The following TMEM132C variants were observed in gnomAD, a reference collection of about 807,000 sequenced individuals.
TMEM132C encodes transmembrane protein 132C.
A neutral mutation model predicts 61.4 loss-of-function variants in TMEM132C; 29 were observed. The observed-to-expected ratio is 0.47, with a 90% CI of 0.35 to 0.64. The LOEUF (loss-of-function observed/expected upper bound fraction) is 0.64. TMEM132C is among the 30% of genes least tolerant of loss of function. The pLI is 0.00. For missense variants in TMEM132C, 1,408 were observed against 1,476.9 expected (o/e 0.95, Z 0.76); for synonymous variants, 656 against 633.1 (o/e 1.04, Z -0.54).
rs55729184 is a variant in TMEM132C at position 128,347,397 on chromosome 12, GTCTCTCTCTCTCTC to G, written c.86-67306_86-67293del. 3.6e-3 allele frequency among the ~76,000 whole-genome samples: 488 copies of G among 135,522 alleles called. 4 individuals carry two copies. The highest frequency in any genetic ancestry group is 0.012 in the African/African-American group (401 of 32,904). The allele number at this position is 135,522 out of a possible 152,430, so 88.9% of individuals were successfully genotyped here. A position where few individuals can be genotyped will look rare whatever the true frequency, so the allele number is the denominator to read the frequency against. On this transcript the variant is annotated intron_variant, in intron 1 of 8. Coordinates refer to ENST00000435159, the MANE Select transcript of TMEM132C (RefSeq NM_001136103.3). ...TGCTGCCATAAGCATGCATATGTAT[GTCTCTCTCTCTCTC>G]TCTCTCTCTCTCTCTCTCTCTCTCT...
At chr12:128,534,679 TG>T (rs1436025163) in intron 2 of TMEM132C, among the ~76,000 whole-genome samples, 5 of 152,254 alleles carry the variant, frequency 3.3e-5, no homozygotes, top group African/African-American at 1.2e-4. Context: ...ATGCTGACTC[TG>T]GTTGCAAAAC....
intron 1 of TMEM132C, among the ~76,000 whole-genome samples, chr12:128,311,757 T>C (rs1871975061): frequency 6.6e-6 from 1 of 152,172 alleles, no homozygotes; most frequent in Non-Finnish European, 1.5e-5. Flanking sequence ...CGCTGCCTGC[T>C]CAAACCTTTT....
chr12:128,529,755 C>T (rs190470230), intron 2 of TMEM132C, among the ~76,000 whole-genome samples: 1 of 152,084 alleles, frequency 6.6e-6, no homozygotes, highest in South Asian at 2.1e-4. Context: ...CACTGCACTC[C>T]AGCCTGGGTG....
At chr12:128,425,251 C>T (rs1236459990) in intron 2 of TMEM132C, among the ~76,000 whole-genome samples, 1 of 152,370 alleles carries the variant, frequency 6.6e-6, no homozygotes, top group Non-Finnish European at 1.5e-5. Context: ...ACCTGCACAC[C>T]GCGGCCAGCC....
intron 2 of TMEM132C, among the ~76,000 whole-genome samples, chr12:128,445,179 A>C (rs1255075748): frequency 1.5e-5 from 2 of 132,238 alleles, no homozygotes; most frequent in Admixed American, 1.7e-4. Flanking sequence ...TTTGCATAGA[A>C]AAAGTTAAAA....
intron 4 of TMEM132C, among the ~76,000 whole-genome samples, chr12:128,662,470 A>G (rs1482329389): frequency 1.3e-5 from 2 of 152,254 alleles, no homozygotes; most frequent in African/African-American, 4.8e-5. Context: ...GGGCAGAGCC[A>G]GGATTTAAGG....
At chr12:128,503,907 TG>T (rs1282283968) in intron 2 of TMEM132C, among the ~76,000 whole-genome samples, 1 of 152,226 alleles carries the variant, frequency 6.6e-6, no homozygotes, top group African/African-American at 2.4e-5. Flanking sequence ...TCATGGTTTA[TG>T]GGGATCAAGA....
At chr12:128,688,570 C>T (rs1284656814) in intron 5 of TMEM132C, among the ~76,000 whole-genome samples, 1 of 152,064 alleles carries the variant, frequency 6.6e-6, no homozygotes, top group Non-Finnish European at 1.5e-5. Context: ...GCTAAAAGTT[C>T]CAGCAAAAGA....
At chr12:128,666,007 A>G (rs1162385561) in intron 4 of TMEM132C, among the ~76,000 whole-genome samples, 1 of 140,056 alleles carries the variant, frequency 7.1e-6, no homozygotes, top group African/African-American at 2.9e-5. Context: ...ACACACAGGC[A>G]CACACACATT....
chr12:128,291,872 T>G (rs1193403), intron 1 of TMEM132C, among the ~76,000 whole-genome samples: 36,187 of 152,132 alleles, frequency 0.24, 4,980 homozygotes, highest in East Asian at 0.55. Flanking sequence ...TTCTTGCTTT[T>G]CTTCCTGGAC....
chr12:128,342,624 GC>G (rs1873012972), intron 1 of TMEM132C, among the ~76,000 whole-genome samples: 1 of 152,184 alleles, frequency 6.6e-6, no homozygotes, highest in Non-Finnish European at 1.5e-5. Context: ...GTGTTGAGAA[GC>G]CTTTACATCT....
rs187835403 is a variant in TMEM132C, at chr12:128,354,028, G to A, written c.86-60704G>A. Among the ~76,000 whole-genome samples the A allele has an allele frequency of 8.5e-4, 129 of 152,290 alleles. 1 individual carries two copies. The highest frequency in any genetic ancestry group is 4.1e-3 in the East Asian group (21 of 5,182). Reference sequence around the variant, plus strand: ...TGTTTCTGTATAAATGTAAAGGGTCGATGAAGAAGAGAAGCAGATCTTGCC... The same window carrying A: ...TGTTTCTGTATAAATGTAAAGGGTCAATGAAGAAGAGAAGCAGATCTTGCC... On this transcript the variant is annotated intron_variant, in intron 1 of 8. Coordinates refer to ENST00000435159, the MANE Select transcript of TMEM132C (RefSeq NM_001136103.3).
chr12:128,511,774 C>G (rs1220778263), intron 2 of TMEM132C, among the ~76,000 whole-genome samples: 2 of 152,210 alleles, frequency 1.3e-5, no homozygotes, highest in Non-Finnish European at 2.9e-5. Context: ...CGCACCCCAC[C>G]CCAAGGTGCA....
chr12:128,533,988 C>T (rs1873426034), intron 2 of TMEM132C, among the ~76,000 whole-genome samples: 1 of 150,440 alleles, frequency 6.6e-6, no homozygotes, highest in Non-Finnish European at 1.5e-5. Context: ...CACTCCTCAT[C>T]ATACCCAGGC....
At chr12:128,277,285 CAA>C (rs1870725657) in intron 1 of TMEM132C, among the ~76,000 whole-genome samples, 2 of 152,176 alleles carry the variant, frequency 1.3e-5, no homozygotes, top group African/African-American at 4.8e-5. Context: ...ATCCAGGGGT[CAA>C]GTGATGTCAT....
intron 2 of TMEM132C, among the ~76,000 whole-genome samples, chr12:128,468,552 C>G (rs1348052609): frequency 6.6e-6 from 1 of 152,180 alleles, no homozygotes; most frequent in Admixed American, 6.5e-5. Flanking sequence ...CTCCCGACCT[C>G]AGGTGATCCG....
intron 2 of TMEM132C, among the ~76,000 whole-genome samples, chr12:128,500,557 G>A (rs2136108251): frequency 6.6e-6 from 1 of 152,152 alleles, no homozygotes; most frequent in South Asian, 2.1e-4. Context: ...TTTCTCCAAA[G>A]AAGGTACACA....
intron 1 of TMEM132C, among the ~76,000 whole-genome samples, chr12:128,315,931 C>T (rs1872137413): frequency 6.6e-6 from 1 of 151,698 alleles, no homozygotes. Flanking sequence ...TCTCGAGGGC[C>T]CTAAGAGCGA....
At chr12:128,295,585 C>A (rs1203018913) in intron 1 of TMEM132C, among the ~76,000 whole-genome samples, 1 of 150,790 alleles carries the variant, frequency 6.6e-6, no homozygotes, top group African/African-American at 2.4e-5. Context: ...TCATTCCTTA[C>A]CCGACTTCTT....
Sources: gnomAD v4.1 joint callset for allele counts (sites outside exome capture counted in the v4.1 genomes callset) on GRCh38, gnomAD v4.1.1 for gene constraint, MANE v1.5 for transcripts, NCBI Gene and HGNC (gene_info 2026-07-23, HGNC 2026-07-21) for gene names.